The following CPEB3 variants were observed in gnomAD, a reference collection of about 807,000 sequenced individuals.
CPEB3 encodes cytoplasmic polyadenylation element binding protein 3.
In CPEB3, 20 loss-of-function variants were observed where a neutral mutation model predicts 67.2. That is an observed-to-expected ratio of 0.30 (90% CI 0.21 to 0.43). CPEB3 has a LOEUF of 0.43. CPEB3 is among the 20% of genes least tolerant of loss of function. The pLI, the probability that CPEB3 is intolerant of heterozygous loss-of-function variation, is 1.00. For missense variants in CPEB3, 746 were observed against 968.6 expected (o/e 0.77, Z 3.05); for synonymous variants, 376 against 393.1 (o/e 0.96, Z 0.51).
At chr10:92,102,166 T>C (rs529498688) in intron 7 of CPEB3, among the ~76,000 whole-genome samples, 1 of 152,326 alleles carries the variant, frequency 6.6e-6, no homozygotes, top group Admixed American at 6.5e-5. Context: ...AAGAGATGCC[T>C]TCCCTGCATC....
rs1844019266 is a variant in CPEB3, at chr10:92,098,766, T to C, written c.1573-6822A>G. Among the ~76,000 whole-genome samples the C allele has an allele frequency of 2.7e-5, 4 of 149,768 alleles. No homozygotes were observed. The South Asian group carries it at 6.2e-4, about 23-fold the overall frequency. On this transcript the variant is annotated intron_variant, in intron 7 of 9. Coordinates refer to ENST00000265997, the MANE Select transcript of CPEB3 (RefSeq NM_014912.5). Reference sequence around the variant, plus strand: ...CAAACCAGTTTAACTATTTTTCTTTTTTTCTTTTTTTTTTTTTTTTTTTGA... The same window carrying C: ...CAAACCAGTTTAACTATTTTTCTTTCTTTCTTTTTTTTTTTTTTTTTTTGA...
At chr10:92,185,746 T>C (rs1367787738) in intron 3 of CPEB3, among the ~76,000 whole-genome samples, 1 of 152,170 alleles carries the variant, frequency 6.6e-6, no homozygotes. Flanking sequence ...CCAGGTAAAA[T>C]GCATATTCTA....
chr10:92,167,579 C>T (rs1480830657), intron 4 of CPEB3, among the ~76,000 whole-genome samples: 2 of 152,100 alleles, frequency 1.3e-5, no homozygotes, highest in Non-Finnish European at 2.9e-5. Flanking sequence ...GTATCTCCTA[C>T]AAGTGCAGTT....
intron 2 of CPEB3, among the ~76,000 whole-genome samples, chr10:92,210,667 T>C (rs1164466320): frequency 6.6e-6 from 1 of 152,236 alleles, no homozygotes; most frequent in Non-Finnish European, 1.5e-5. Context: ...ATGATGACTT[T>C]AACAACTACT....
At chr10:92,152,188 C>A (rs534188305) in intron 4 of CPEB3, among the ~76,000 whole-genome samples, 2 of 152,310 alleles carry the variant, frequency 1.3e-5, no homozygotes, top group East Asian at 1.9e-4. Flanking sequence ...TCAAAGTAAG[C>A]CTTTTCTTGC....
At chr10:92,257,914 G>C (rs902892626) in intron 1 of CPEB3, among the ~76,000 whole-genome samples, 7 of 151,044 alleles carry the variant, frequency 4.6e-5, no homozygotes, top group Non-Finnish European at 7.4e-5. Flanking sequence ...ATTTTTGATA[G>C]AGATGGGGTT....
At chr10:92,089,348 T>C (rs1843514644) in intron 8 of CPEB3, among the ~76,000 whole-genome samples, 1 of 152,110 alleles carries the variant, frequency 6.6e-6, no homozygotes, top group Non-Finnish European at 1.5e-5. Flanking sequence ...TATAGATTAC[T>C]TTGCCACCTA....
intron 4 of CPEB3, among the ~76,000 whole-genome samples, chr10:92,173,004 C>T (rs1204722914): frequency 6.6e-6 from 1 of 152,194 alleles, no homozygotes; most frequent in East Asian, 1.9e-4. Flanking sequence ...TTCACAGTCA[C>T]ACTGAGATGT....
intron 3 of CPEB3, among the ~76,000 whole-genome samples, chr10:92,182,390 T>C (rs1194169013): frequency 1.3e-5 from 2 of 152,194 alleles, no homozygotes; most frequent in Non-Finnish European, 2.9e-5. Context: ...AGCATCACAG[T>C]AGACAAAGCA....
chr10:92,142,369 T>A (rs1846477230), intron 6 of CPEB3, among the ~76,000 whole-genome samples: 1 of 152,188 alleles, frequency 6.6e-6, no homozygotes, highest in African/African-American at 2.4e-5. Flanking sequence ...AAAACATTCT[T>A]CTATATAAAT....
At chr10:92,266,060 G>A (rs1308172087) in intron 1 of CPEB3, among the ~76,000 whole-genome samples, 1 of 152,098 alleles carries the variant, frequency 6.6e-6, no homozygotes, top group African/African-American at 2.4e-5. Flanking sequence ...GACATGTGAT[G>A]CCCTACACAG....
intron 2 of CPEB3, among the ~76,000 whole-genome samples, chr10:92,207,862 T>G (rs984401640): frequency 2.6e-5 from 4 of 152,204 alleles, no homozygotes; most frequent in African/African-American, 9.6e-5. Flanking sequence ...AGAGCGAGAC[T>G]CTGTCTCAAA....
At chr10:92,083,287 G>C (rs903290803) in intron 8 of CPEB3, among the ~76,000 whole-genome samples, 5 of 152,188 alleles carry the variant, frequency 3.3e-5, no homozygotes, top group African/African-American at 1.2e-4. Flanking sequence ...GCAGCAAAAA[G>C]TTATCTCAAT....
intron 9 of CPEB3, among the ~76,000 whole-genome samples, chr10:92,063,540 A>C (rs1249144131): frequency 2.6e-5 from 4 of 152,186 alleles, no homozygotes; most frequent in Admixed American, 6.5e-5. Flanking sequence ...CAAGGCAGGC[A>C]GATCATGAGG....
chr10:92,162,239 G>A (rs776519935), intron 4 of CPEB3, among the ~76,000 whole-genome samples: 4 of 152,076 alleles, frequency 2.6e-5, no homozygotes, highest in South Asian at 2.1e-4. Context: ...AATCAGAGTA[G>A]TGTTACCCTT....
chr10:92,261,008 A>G lies in CPEB3; in HGVS notation c.-11-20647T>C, dbSNP rs545973160. ...GTCCAGGCCTGAAGTAATGAAAAAA[A>G]CCTTTGTTTGCTACAACCTCTGCCT... On this transcript the variant is annotated intron_variant, in intron 1 of 9. Transcript: ENST00000265997. Among the ~76,000 whole-genome samples, 7 of 152,224 alleles carry G rather than the reference A, an allele frequency of 4.6e-5. No homozygotes were observed. In the South Asian group the frequency reaches 1.5e-3, roughly 32 times the overall value.
At chr10:92,289,730 A>ATATAT (rs1213696029) in intron 1 of CPEB3, among the ~76,000 whole-genome samples, 16 of 114,286 alleles carry the variant, frequency 1.4e-4, no homozygotes, top group Middle Eastern at 4.6e-3. Context: ...AAAAAAAAAA[A>ATATAT]AAATATATAT....
intron 4 of CPEB3, among the ~76,000 whole-genome samples, chr10:92,165,178 G>A (rs1482871477): frequency 1.3e-5 from 2 of 152,080 alleles, no homozygotes; most frequent in Admixed American, 6.6e-5. Context: ...CTAGCACAGT[G>A]GCTCATACCT....
At chr10:92,067,008 C>G (rs1842575281) in intron 9 of CPEB3, among the ~76,000 whole-genome samples, 1 of 151,284 alleles carries the variant, frequency 6.6e-6, no homozygotes, top group African/African-American at 2.4e-5. Context: ...GAGATCACGC[C>G]ACTGCACTCC....
Sources: gnomAD v4.1 joint callset for allele counts (sites outside exome capture counted in the v4.1 genomes callset) on GRCh38, gnomAD v4.1.1 for gene constraint, MANE v1.5 for transcripts, NCBI Gene and HGNC (gene_info 2026-07-23, HGNC 2026-07-21) for gene names.